The following GRID2 variants were observed in gnomAD, a reference collection of about 807,000 sequenced individuals.
GRID2 encodes the protein glutamate ionotropic receptor delta type subunit 2.
Under a neutral mutation model 114.8 loss-of-function variants are expected in GRID2, and 33 were observed. The ratio of observed to expected loss-of-function variants is 0.29; its 90% CI spans 0.22 to 0.38. The LOEUF is 0.38. Among genes scored for constraint, GRID2 ranks in the 10% least tolerant of loss-of-function variants. The pLI, the probability that GRID2 is intolerant of heterozygous loss-of-function variation, is 1.00. For missense variants in GRID2, 1,184 were observed against 1,257.7 expected (o/e 0.94, Z 0.89); for synonymous variants, 505 against 449.9 (o/e 1.12, Z -1.55).
chr4:93,436,447 G>A (rs1721093978), intron 10 of GRID2, among the ~76,000 whole-genome samples: 1 of 152,074 alleles, frequency 6.6e-6, no homozygotes, highest in South Asian at 2.1e-4. Flanking sequence ...TTGCCCAGGT[G>A]GAGCACTGAG....
At chr4:92,501,309 T>C (rs1328693560) in intron 1 of GRID2, among the ~76,000 whole-genome samples, 1 of 152,152 alleles carries the variant, frequency 6.6e-6, no homozygotes, top group Admixed American at 6.6e-5. Flanking sequence ...AGTGGGCTCA[T>C]TTTACCAGCA....
At chr4:93,418,407 T>C (rs1379680335) in intron 9 of GRID2, among the ~76,000 whole-genome samples, 1 of 152,076 alleles carries the variant, frequency 6.6e-6, no homozygotes, top group Non-Finnish European at 1.5e-5. Context: ...TTGTCTTTTC[T>C]AATTCTCAAA....
In GRID2 at chr4:93,207,467, A is replaced by G. The variant is rs369042224; in HGVS notation, c.789+10A>G. 2 of 1,537,790 alleles carry G rather than the reference A, an allele frequency of 1.3e-6. No homozygotes were observed. The highest frequency in any genetic ancestry group is 1.1e-5 in the South Asian group (1 of 89,144). On this transcript the variant is annotated intron_variant, in intron 5 of 15. Transcript: ENST00000282020. ...GATCATTATAAATGAGGTAAAGCCA[A>G]CTAAACCTTATTGTTAACTCTGTGT...
chr4:93,528,313 C>A (rs529076442), intron 13 of GRID2, among the ~76,000 whole-genome samples: 1 of 151,746 alleles, frequency 6.6e-6, no homozygotes, highest in Non-Finnish European at 1.5e-5. Context: ...AACTGCTAGA[C>A]GAAATGGCAA....
rs146840971 is a variant in GRID2 at position 92,822,544 on chromosome 4, C to T, written c.244+232258C>T. The T allele has an allele frequency of 2.8e-3, 797 of 283,282 alleles. 11 individuals carry two copies. Among genetic ancestry groups the T allele is most frequent in the African/African-American group, 0.016 (711 of 44,416 alleles). 17.5% of individuals were successfully genotyped at this position (283,282 alleles called of 1,614,324 possible). A position where few individuals can be genotyped will look rare whatever the true frequency, so the allele number is the denominator to read the frequency against. On this transcript the variant is annotated intron_variant, in intron 2 of 15. Transcript: ENST00000282020. The stretch of plus-strand genomic sequence containing the variant: ...ACTCAGGGTTATAACCATAACTAGA[C>T]GGTTTTATCTCAGGATCTAGAGACA...
At chr4:93,708,392 G>T (rs1245371410) in intron 14 of GRID2, among the ~76,000 whole-genome samples, 1 of 151,854 alleles carries the variant, frequency 6.6e-6, no homozygotes, top group Non-Finnish European at 1.5e-5. Context: ...GTTAGGTACT[G>T]AATTAACCCC....
At chr4:93,711,080 G>A (rs1728437659) in intron 14 of GRID2, among the ~76,000 whole-genome samples, 1 of 152,180 alleles carries the variant, frequency 6.6e-6, no homozygotes, top group Admixed American at 6.5e-5. Flanking sequence ...GTCTGAGATG[G>A]TGCCCAAGTT....
intron 1 of GRID2, among the ~76,000 whole-genome samples, chr4:92,492,167 CT>C (rs1218955491): frequency 1.3e-5 from 2 of 152,144 alleles, no homozygotes; most frequent in Non-Finnish European, 2.9e-5. Flanking sequence ...TAAACAGAGT[CT>C]TTGAATCTAG....
intron 8 of GRID2, among the ~76,000 whole-genome samples, chr4:93,384,460 A>ATT: frequency 1.3e-5 from 2 of 152,228 alleles, no homozygotes; most frequent in East Asian, 3.9e-4. Context: ...CTCAGCACTT[A>ATT]TTATTTATAT....
intron 13 of GRID2, among the ~76,000 whole-genome samples, chr4:93,602,101 T>C (rs1206267143): frequency 6.6e-6 from 1 of 152,214 alleles, no homozygotes; most frequent in Non-Finnish European, 1.5e-5. Flanking sequence ...CAACACCAAG[T>C]CCTAATTTAA....
At chr4:93,007,488 C>T (rs1207698514) in intron 2 of GRID2, among the ~76,000 whole-genome samples, 1 of 152,028 alleles carries the variant, frequency 6.6e-6, no homozygotes, top group Non-Finnish European at 1.5e-5. Flanking sequence ...CAAGGAAAGA[C>T]TATATGAGCT....
intron 2 of GRID2, among the ~76,000 whole-genome samples, chr4:93,054,226 GA>G (rs917608469): frequency 5.3e-5 from 8 of 151,520 alleles, no homozygotes; most frequent in African/African-American, 9.7e-5. Flanking sequence ...TTAAAACTAT[GA>G]AAAAAATTTT....
At chr4:92,972,710 T>G (rs1233316561) in intron 2 of GRID2, among the ~76,000 whole-genome samples, 2 of 152,048 alleles carry the variant, frequency 1.3e-5, no homozygotes, top group African/African-American at 2.4e-5. Context: ...ACCCAGGTAT[T>G]AAGCCTAGTA....
At chr4:93,566,928 G>T (rs1294992031) in intron 13 of GRID2, among the ~76,000 whole-genome samples, 1 of 152,128 alleles carries the variant, frequency 6.6e-6, no homozygotes. Flanking sequence ...TAGACCAGGA[G>T]AAACATATTT....
intron 1 of GRID2, among the ~76,000 whole-genome samples, chr4:92,497,795 C>T (rs770098122): frequency 2.6e-5 from 4 of 151,808 alleles, no homozygotes; most frequent in Non-Finnish European, 5.9e-5. Context: ...CTTGCAAGAA[C>T]CTTTTCCTTT....
chr4:92,960,573 A>T (rs1752733861), intron 2 of GRID2, among the ~76,000 whole-genome samples: 1 of 151,764 alleles, frequency 6.6e-6, no homozygotes, highest in Admixed American at 6.6e-5. Context: ...ATTTGTTTTG[A>T]TGATTGTTAG....
rs146001069 is a variant in GRID2 at position 92,456,159 on chromosome 4, C to T, written c.89-133972C>T. 6.5e-5 allele frequency among the ~76,000 whole-genome samples: 9 copies of T among 137,880 alleles called. No homozygotes were observed. In the East Asian group the frequency reaches 1.8e-3, roughly 27 times the overall value. The allele number at this position is 137,880 out of a possible 152,430, so 90.5% of individuals were successfully genotyped here. A position where few individuals can be genotyped will look rare whatever the true frequency, so the allele number is the denominator to read the frequency against. ...AAATGAACTTTTTTGGCAGCTTTCC[C>T]AGAAAAAAAAAAATCCCTCTAGCAT... On this transcript the variant is annotated intron_variant, in intron 1 of 15. Coordinates refer to ENST00000282020, the MANE Select transcript of GRID2 (RefSeq NM_001510.4).
chr4:93,095,371 A>C, intron 3 of GRID2, among the ~76,000 whole-genome samples: 1 of 152,018 alleles, frequency 6.6e-6, no homozygotes, highest in Non-Finnish European at 1.5e-5. Flanking sequence ...TTTTTAAAAA[A>C]TACACACAGA....
intron 14 of GRID2, among the ~76,000 whole-genome samples, chr4:93,717,666 T>A (rs1729014292): frequency 1.3e-5 from 2 of 152,312 alleles, no homozygotes; most frequent in African/African-American, 4.8e-5. Context: ...AATTATATGC[T>A]GTATATGGCT....
Sources: allele counts gnomAD v4.1 joint callset (sites outside exome capture counted in the v4.1 genomes callset), GRCh38; gene constraint gnomAD v4.1.1; transcripts MANE v1.5; gene names NCBI Gene and HGNC (gene_info 2026-07-23, HGNC 2026-07-21).